PTP4A1: variants seen among roughly 807,000 people sequenced by gnomAD.
PTP4A1 encodes protein tyrosine phosphatase type IVA 1.
In PTP4A1, 9 loss-of-function variants were observed where a neutral mutation model predicts 20.5. The observed-to-expected ratio is 0.44, with a 90% CI of 0.26 to 0.77. PTP4A1 has a LOEUF of 0.77. Ranked by LOEUF, PTP4A1 falls within the 30% of genes least tolerant of loss-of-function variation. The pLI is 0.19. For synonymous variants in PTP4A1, 78 were observed against 67.4 expected (o/e 1.16, Z -0.77); for missense variants, 137 against 218.8 (o/e 0.63, Z 2.36).
intron 2 of PTP4A1, chr6:63,548,634 C>A (rs745916252): frequency 5.1e-6 from 2 of 394,228 alleles, no homozygotes; most frequent in Non-Finnish European, 9.4e-6. Context: ...TAAACACAAC[C>A]CTGATTTAAT....
upstream of PTP4A1, chr6:63,571,432 C>T (rs1777420796): frequency 6.6e-6 from 1 of 152,152 alleles, no homozygotes; most frequent in African/African-American, 2.4e-5. Context: ...AAAGGGTTTT[C>T]AGATTATAAA....
intron 1 of PTP4A1, among the ~76,000 whole-genome samples, chr6:63,522,316 A>G (rs1358036057): frequency 1.3e-5 from 2 of 152,240 alleles, no homozygotes; most frequent in Non-Finnish European, 2.9e-5. Flanking sequence ...AGATGTCCAG[A>G]AACCATATTC....
At chr6:63,518,823 G>A (rs1774822275), upstream of PTP4A1, among the ~76,000 whole-genome samples, 1 of 152,128 alleles carries the variant, frequency 6.6e-6, no homozygotes, top group Non-Finnish European at 1.5e-5. Context: ...ATTGAAAAAT[G>A]CACATTAGGA....
chr6:63,553,731 T>C (rs1272609939), intron 3 of PTP4A1, among the ~76,000 whole-genome samples: 2 of 152,254 alleles, frequency 1.3e-5, no homozygotes, highest in Middle Eastern at 3.4e-3. Context: ...AAAGGTAAAT[T>C]ATGATTTAAA....
intron 2 of PTP4A1, among the ~76,000 whole-genome samples, chr6:63,538,657 T>G (rs1448989812): frequency 1.3e-5 from 2 of 152,152 alleles, no homozygotes; most frequent in Non-Finnish European, 2.9e-5. Context: ...TTTCTTATTT[T>G]TTAAGATAGC....
intron 1 of PTP4A1, among the ~76,000 whole-genome samples, chr6:63,575,081 A>G (rs748362159): frequency 1.3e-4 from 20 of 152,254 alleles, no homozygotes; most frequent in Admixed American, 4.6e-4. Context: ...AGTAATCATC[A>G]TAAGAATTAT....
chr6:63,566,897 C>G (rs570655101), intron 3 of PTP4A1, among the ~76,000 whole-genome samples: 7 of 152,194 alleles, frequency 4.6e-5, no homozygotes, highest in Non-Finnish European at 1.0e-4. Context: ...ATTCTAAATC[C>G]TTTATCATTT....
chr6:63,550,047 G>C (rs1375697860), intron 2 of PTP4A1, among the ~76,000 whole-genome samples: 1 of 152,072 alleles, frequency 6.6e-6, no homozygotes, highest in African/African-American at 2.4e-5. Context: ...TGTTATACGT[G>C]TCATATCACT....
intron 3 of PTP4A1, among the ~76,000 whole-genome samples, chr6:63,563,097 C>T (rs1777036039): frequency 6.6e-6 from 1 of 152,218 alleles, no homozygotes; most frequent in Non-Finnish European, 1.5e-5. Context: ...CCAACATTGT[C>T]TTCCATTTGA....
chr6:63,578,886 C>A lies in PTP4A1; in HGVS notation c.199-12C>A. On this transcript the variant is annotated splice_polypyrimidine_tract_variant and intron_variant, in intron 3 of 5. Transcript: ENST00000626021. ...TAATGATCTAAAATGTTTAAATATTCTTCTGACTTAGGATTGGCCTTTTGA... is the reference window on the plus strand; with the variant it reads ...TAATGATCTAAAATGTTTAAATATTATTCTGACTTAGGATTGGCCTTTTGA... The A allele has an allele frequency of 6.6e-7, 1 of 1,517,544 alleles. No homozygotes were observed. Among genetic ancestry groups the A allele is most frequent in the Non-Finnish European group, 8.8e-7 (1 of 1,130,216 alleles). The allele number at this position is 1,517,544 out of a possible 1,614,324, so 94.0% of individuals were successfully genotyped here.
At chr6:63,531,145 C>A (rs1775440754) in intron 2 of PTP4A1, among the ~76,000 whole-genome samples, 2 of 152,176 alleles carry the variant, frequency 1.3e-5, no homozygotes, top group African/African-American at 4.8e-5. Context: ...GTTCTGCCTG[C>A]CTCTTGAGTT....
Position 63,580,004 on chromosome 6 carries a change from A to G in PTP4A1, c.405-53A>G, listed in dbSNP as rs75989783. 2,615 of 1,333,802 alleles carry G rather than the reference A, an allele frequency of 2.0e-3. 11 individuals are homozygous for G. Among genetic ancestry groups the G allele is most frequent in the Non-Finnish European group, 2.5e-3 (2,411 of 945,834 alleles). 82.6% of individuals were successfully genotyped at this position (1,333,802 alleles called of 1,614,324 possible). On this transcript the variant is annotated intron_variant, in intron 5 of 5. Coordinates refer to ENST00000626021, the MANE Select transcript of PTP4A1 (RefSeq NM_003463.5). ...GATGGTTGTCTATAAGACACTAAAT[A>G]TTACTGTAGGGGGCTTTTGCCTTGT...
chr6:63,577,039 C>T, intron 2 of PTP4A1, 54 bp downstream of exon 2: 2 of 1,362,234 alleles, frequency 1.5e-6, no homozygotes, highest in Non-Finnish European at 2.1e-6. Flanking sequence ...AATAGTGGGA[C>T]TTATAGCTAA....
chr6:63,554,212 T>C (rs981841321), intron 3 of PTP4A1, among the ~76,000 whole-genome samples: 2 of 152,240 alleles, frequency 1.3e-5, no homozygotes, highest in African/African-American at 4.8e-5. Context: ...GCAGTTTCTT[T>C]TTAAGTATAT....
intron 1 of PTP4A1, among the ~76,000 whole-genome samples, chr6:63,572,955 A>T (rs973857839): frequency 2.0e-5 from 3 of 151,868 alleles, no homozygotes; most frequent in Admixed American, 6.5e-5. Context: ...TGGCCGCCGG[A>T]GGCACCGGCT....
At chr6:63,571,976 G>A (rs530293525), upstream of PTP4A1, 47 of 152,328 alleles carry the variant, frequency 3.1e-4, no homozygotes, top group African/African-American at 1.1e-3. Context: ...GATGACGAAG[G>A]TACTCGGGGC....
intron 1 of PTP4A1, chr6:63,573,526 G>T: frequency 6.6e-6 from 1 of 152,268 alleles, no homozygotes; most frequent in Non-Finnish European, 1.5e-5. Flanking sequence ...GCGTGCTCGG[G>T]CGCACACAGC....
rs567266910 is a variant in PTP4A1, at chr6:63,573,812, C to T, written c.-446+1093C>T. Among the ~76,000 whole-genome samples, 4 of 152,184 alleles carry T rather than the reference C, an allele frequency of 2.6e-5. No individual in the cohort carries two copies. In the South Asian group the frequency reaches 6.2e-4, roughly 24 times the overall value. On this transcript the variant is annotated intron_variant, in intron 1 of 5. Transcript: ENST00000626021. Reference sequence around the variant, plus strand: ...ACAGGGCTACTGTTAGTTACACTGACGCGAAGGACTTCCCGTCCGGGCACC... The same window carrying T: ...ACAGGGCTACTGTTAGTTACACTGATGCGAAGGACTTCCCGTCCGGGCACC...
intron 2 of PTP4A1, among the ~76,000 whole-genome samples, chr6:63,534,222 A>C (rs1242219634): frequency 6.6e-6 from 1 of 151,350 alleles, no homozygotes; most frequent in Non-Finnish European, 1.5e-5. Context: ...ATTACGTTTA[A>C]AAAAAAAGTT....
Sources: allele counts gnomAD v4.1 joint callset (sites outside exome capture counted in the v4.1 genomes callset), GRCh38; gene constraint gnomAD v4.1.1; transcripts MANE v1.5; gene names NCBI Gene and HGNC (gene_info 2026-07-23, HGNC 2026-07-21).